CDK5RAP2: variants seen among roughly 807,000 people sequenced by gnomAD.
CDK5RAP2 encodes CDK5 regulatory subunit-associated protein 2.
CDK5RAP2 carries 147 observed loss-of-function variants against 232.9 expected under a neutral mutation model. The ratio of observed to expected loss-of-function variants is 0.63; its 90% CI spans 0.55 to 0.72. The LOEUF is 0.72. Ranked by LOEUF, CDK5RAP2 falls within the 30% of genes least tolerant of loss-of-function variation. The pLI is 0.00. For missense variants in CDK5RAP2, 2,195 were observed against 2,231.5 expected, an observed-to-expected ratio of 0.98 and a Z score of 0.33; for synonymous variants, 833 against 833.7, an observed-to-expected ratio of 1.00 and a Z score of 0.01.
chr9:120,536,324 G>A (rs535069251), intron 7 of CDK5RAP2, 48 bp downstream of exon 7: 81 of 1,593,498 alleles, frequency 5.1e-5, no homozygotes, highest in South Asian at 4.6e-4. Context: ...CTTTCCCCAC[G>A]CTGCCAGATA....
rs1041682371 is a variant in CDK5RAP2 at position 120,576,643 on chromosome 9, G to A, written c.59+3277C>T. Among the ~76,000 whole-genome samples, 6 of 152,212 alleles carry A rather than the reference G, an allele frequency of 3.9e-5. No individual in the cohort carries two copies. In the East Asian group the frequency reaches 5.8e-4, roughly 15 times the overall value. On this transcript the variant is annotated intron_variant, in intron 1 of 37. Transcript: ENST00000349780. ...CTTGAACCCACGAGGCAGAGGTTGC[G>A]GTGAGCCGAAATTGCGCCACTGCAC...
chr9:120,492,006 T>C (rs1401001554), intron 12 of CDK5RAP2, among the ~76,000 whole-genome samples: 2 of 151,964 alleles, frequency 1.3e-5, no homozygotes, highest in Non-Finnish European at 2.9e-5. Context: ...ATTATCTTCA[T>C]AATCAGGAAA....
chr9:120,477,490 T>G, intron 14 of CDK5RAP2, 40 bp from the exon 15 acceptor site: 1 of 1,398,416 alleles, frequency 7.2e-7, no homozygotes, highest in African/African-American at 1.4e-5. Context: ...AGGAAAGAAT[T>G]TTGAAAGAGT....
In CDK5RAP2 at chr9:120,415,159, T is replaced by C. The variant is rs756795955; in HGVS notation, c.4178A>G (p.Asp1393Gly). 1 of 1,614,024 alleles carries C rather than the reference T, an allele frequency of 6.2e-7. No individual in the cohort carries two copies. Among genetic ancestry groups the C allele is most frequent in the Non-Finnish European group, 8.5e-7 (1 of 1,179,898 alleles). ...TSVMVNSFSQ[D>G]LLMEHIQEIR... is the part of the protein sequence containing the mutation. Reference sequence around the variant, plus strand: ...TTCCTGTATGTGTTCCATTAGTAAGTCTACAGGAAGGAAGCCATTTTTAAT... The same window carrying C: ...TTCCTGTATGTGTTCCATTAGTAAGCCTACAGGAAGGAAGCCATTTTTAAT... Residue 1393 changes from aspartate (D) to glycine (G), a missense_variant and splice_region_variant, in exon 28 of 38, where the codon GAC (aspartate) becomes GGC (glycine). Asp to Gly is a moderately conservative substitution (Grantham distance 94). Transcript: ENST00000349780.
chr9:120,448,169 C>A, intron 21 of CDK5RAP2, 43 bp from the exon 22 acceptor site: 1 of 1,477,428 alleles, frequency 6.8e-7, no homozygotes. Context: ...TTTGAACACA[C>A]TTCCTTTGGT....
intron 5 of CDK5RAP2, among the ~76,000 whole-genome samples, chr9:120,542,923 G>T (rs923977274): frequency 6.6e-6 from 1 of 152,182 alleles, no homozygotes; most frequent in African/African-American, 2.4e-5. Flanking sequence ...CTTTACAAAG[G>T]GCTGAGCAAT....
chr9:120,447,195 G>A (rs964094356), intron 22 of CDK5RAP2, among the ~76,000 whole-genome samples: 4 of 152,172 alleles, frequency 2.6e-5, no homozygotes, highest in African/African-American at 4.8e-5. Flanking sequence ...TGTGGATCAT[G>A]AGCCCTGAGA....
At chr9:120,478,795 C>A (rs2038156627) in intron 14 of CDK5RAP2, among the ~76,000 whole-genome samples, 1 of 151,614 alleles carries the variant, frequency 6.6e-6, no homozygotes, top group Non-Finnish European at 1.5e-5. Context: ...AACAAACAAA[C>A]AAAAAATACT....
intron 3 of CDK5RAP2, among the ~76,000 whole-genome samples, chr9:120,558,890 TATC>T (rs1215347139): frequency 2.6e-5 from 4 of 152,244 alleles, no homozygotes; most frequent in African/African-American, 7.2e-5. Flanking sequence ...TGTTTATTAT[TATC>T]ATGTTTATTA....
chr9:120,415,887 T>G (rs2131347571), intron 27 of CDK5RAP2, among the ~76,000 whole-genome samples: 1 of 152,316 alleles, frequency 6.6e-6, no homozygotes. Flanking sequence ...CCATAAGAAC[T>G]GAAGTAACTC....
intron 17 of CDK5RAP2, among the ~76,000 whole-genome samples, chr9:120,468,720 G>A (rs969990340): frequency 3.3e-5 from 5 of 152,188 alleles, no homozygotes; most frequent in Non-Finnish European, 5.9e-5. Context: ...AACCATGTGC[G>A]AAAGAGCAGC....
At chr9:120,504,630 C>T (rs1433221295) in intron 12 of CDK5RAP2, among the ~76,000 whole-genome samples, 3 of 152,184 alleles carry the variant, frequency 2.0e-5, no homozygotes, top group Non-Finnish European at 2.9e-5. Context: ...CTGATCATTA[C>T]GTCTCTGCTC....
Position 120,415,125 on chromosome 9 carries a change from A to C in CDK5RAP2, c.4212T>G (p.Thr1404=). 4 of 1,614,166 alleles carry C rather than the reference A, an allele frequency of 2.5e-6. No individual in the cohort carries two copies. The South Asian group carries it at 4.4e-5, about 18-fold the overall frequency. ...LLMEHIQEIR[T]LRKRLEESIK... ...TAGATTCTTCTAAACGCTTTCTCAA[A>C]GTTCGAATTTCCTGTATGTGTTCCA... is the stretch of plus-strand genomic sequence containing the variant. The change falls in exon 28 of 38, where the codon ACT becomes ACG. Residue 1404 remains threonine (T), a synonymous_variant. Transcript: ENST00000349780.
intron 1 of CDK5RAP2, among the ~76,000 whole-genome samples, chr9:120,578,857 G>A (rs777464133): frequency 1.3e-5 from 2 of 152,116 alleles, no homozygotes; most frequent in Non-Finnish European, 2.9e-5. Flanking sequence ...GTGAGCCACC[G>A]CACCTGGCTC....
chr9:120,460,541 T>G lies in CDK5RAP2; in HGVS notation c.2202+31A>C, dbSNP rs766393967. On this transcript the variant is annotated intron_variant, in intron 19 of 37. Transcript: ENST00000349780. ...TGATTTGGACATAGAGTGGAGTAGA[T>G]GAAATAAGGAGTTAACTGAAAGGTT... 10 of 1,603,464 alleles carry G rather than the reference T, an allele frequency of 6.2e-6. No individual in the cohort carries two copies. In the African/African-American group the frequency reaches 1.2e-4, roughly 19 times the overall value.
At chr9:120,428,485 G>A (rs1355982090) in intron 25 of CDK5RAP2, among the ~76,000 whole-genome samples, 8 of 152,160 alleles carry the variant, frequency 5.3e-5, no homozygotes, top group Non-Finnish European at 8.8e-5. Context: ...ACACCTCTAC[G>A]CAAATAAACT....
In CDK5RAP2 at chr9:120,402,719, G is replaced by A. The variant is rs555457590; in HGVS notation, c.5307+87C>T. The A allele has an allele frequency of 5.7e-5, 85 of 1,487,226 alleles. No homozygotes were observed. The African/African-American group carries it at 1.1e-3, about 19-fold the overall frequency. 92.1% of individuals were successfully genotyped at this position (1,487,226 alleles called of 1,614,324 possible). ...GTCCCTCTTCTCAGGGTCCTAATGA[G>A]GACAACTGCGCCATTTGACTCCCCT... On this transcript the variant is annotated intron_variant, in intron 34 of 37. Transcript: ENST00000349780.
intron 12 of CDK5RAP2, among the ~76,000 whole-genome samples, chr9:120,515,813 A>T (rs999993344): frequency 3.3e-5 from 5 of 152,360 alleles, no homozygotes; most frequent in African/African-American, 1.2e-4. Context: ...TCAAAACCAC[A>T]ATGAGATACC....
intron 14 of CDK5RAP2, among the ~76,000 whole-genome samples, chr9:120,478,988 A>G (rs1372524576): frequency 6.6e-6 from 1 of 152,212 alleles, no homozygotes; most frequent in Non-Finnish European, 1.5e-5. Context: ...TTTGTCAATT[A>G]TAACTCAAAG....
Sources: gnomAD v4.1 joint callset for allele counts (sites outside exome capture counted in the v4.1 genomes callset) on GRCh38, gnomAD v4.1.1 for gene constraint, MANE v1.5 for transcripts, NCBI Gene and HGNC (gene_info 2026-07-23, HGNC 2026-07-21) for gene names.